The following TNKS variants were observed in gnomAD, a reference collection of about 807,000 sequenced individuals.
The protein encoded by TNKS is tankyrase.
In TNKS, 72 loss-of-function variants were observed where a neutral mutation model predicts 135.8. That is an observed-to-expected ratio of 0.53 (90% CI 0.44 to 0.64). The LOEUF is 0.64. Among genes scored for constraint, TNKS ranks in the 30% least tolerant of loss-of-function variants. The pLI is 0.00. For synonymous variants in TNKS, 849 were observed against 649.3 expected (o/e 1.31, Z -4.68); for missense variants, 1,769 against 1,674.0 (o/e 1.06, Z -0.99).
chr8:9,776,206 T>TC (rs1287693810), intron 26 of TNKS, among the ~76,000 whole-genome samples: 1 of 152,244 alleles, frequency 6.6e-6, no homozygotes, highest in Non-Finnish European at 1.5e-5. Flanking sequence ...ATCTCACCCT[T>TC]ACTCCTTCTA....
chr8:9,597,054 A>G (rs1193408683), intron 2 of TNKS, among the ~76,000 whole-genome samples: 1 of 152,212 alleles, frequency 6.6e-6, no homozygotes, highest in African/African-American at 2.4e-5. Flanking sequence ...AAGCTTGAGT[A>G]TTGTTCTGGG....
intron 5 of TNKS, among the ~76,000 whole-genome samples, chr8:9,682,170 T>G (rs867644432): frequency 6.6e-6 from 1 of 152,158 alleles, no homozygotes; most frequent in South Asian, 2.1e-4. Flanking sequence ...TCTATCACTG[T>G]GTAGAAAAGG....
chr8:9,695,781 A>T (rs1803485168), intron 5 of TNKS, among the ~76,000 whole-genome samples: 1 of 152,206 alleles, frequency 6.6e-6, no homozygotes, highest in South Asian at 2.1e-4. Flanking sequence ...TTTTGGAGGC[A>T]TAGTCTCCAA....
intron 3 of TNKS, among the ~76,000 whole-genome samples, chr8:9,639,928 C>T (rs762601515): frequency 6.6e-6 from 1 of 152,120 alleles, no homozygotes; most frequent in Non-Finnish European, 1.5e-5. Context: ...CGGGACGGTT[C>T]AAGAACAGTG....
chr8:9,766,095 G>A (rs1585439640), intron 24 of TNKS, 144 bp from the exon 25 acceptor site: 5 of 727,488 alleles, frequency 6.9e-6, no homozygotes, highest in Non-Finnish European at 1.1e-5. Flanking sequence ...ACATTATTAT[G>A]TATAATAGAC....
intron 11 of TNKS, among the ~76,000 whole-genome samples, chr8:9,717,166 G>A (rs1157753184): frequency 7.0e-6 from 1 of 142,604 alleles, no homozygotes; most frequent in Non-Finnish European, 1.5e-5. Context: ...GCACACTCAA[G>A]TTCAGCTAGC....
intron 2 of TNKS, among the ~76,000 whole-genome samples, chr8:9,608,219 G>A (rs1243458680): frequency 6.6e-6 from 1 of 152,154 alleles, no homozygotes; most frequent in Non-Finnish European, 1.5e-5. Context: ...GGGAATATAG[G>A]CATGAGACAC....
intron 11 of TNKS, among the ~76,000 whole-genome samples, chr8:9,714,704 TAA>T (rs1248642530): frequency 6.6e-6 from 1 of 152,112 alleles, no homozygotes; most frequent in Non-Finnish European, 1.5e-5. Flanking sequence ...TATGAAGGAG[TAA>T]TTATATTACC....
intron 3 of TNKS, among the ~76,000 whole-genome samples, chr8:9,637,029 A>T (rs1211343230): frequency 6.6e-6 from 1 of 152,216 alleles, no homozygotes; most frequent in Non-Finnish European, 1.5e-5. Context: ...ATCTGAATTG[A>T]CAGCTTGAGT....
chr8:9,615,560 T>G (rs771131116), intron 2 of TNKS, 22 bp from the exon 3 acceptor site: 10 of 1,600,802 alleles, frequency 6.2e-6, no homozygotes, highest in Admixed American at 5.1e-5. Context: ...GGTAAGATAC[T>G]GTTTCTGCTT....
intron 2 of TNKS, among the ~76,000 whole-genome samples, chr8:9,606,766 G>A (rs1352383763): frequency 6.6e-6 from 1 of 151,914 alleles, no homozygotes. Flanking sequence ...ATTCAGTAGT[G>A]GACATGGTAG....
At chr8:9,653,129 T>G (rs1261729684) in intron 3 of TNKS, among the ~76,000 whole-genome samples, 1 of 152,118 alleles carries the variant, frequency 6.6e-6, no homozygotes, top group Admixed American at 6.5e-5. Context: ...GATTAAAGAC[T>G]GCTATAGTGA....
intron 3 of TNKS, among the ~76,000 whole-genome samples, chr8:9,629,900 T>A (rs1270786326): frequency 6.6e-6 from 1 of 152,154 alleles, no homozygotes; most frequent in African/African-American, 2.4e-5. Context: ...GCCAGGATGG[T>A]CTCGATCTCC....
At chr8:9,581,337 T>C (rs1414964906) in intron 2 of TNKS, among the ~76,000 whole-genome samples, 3 of 152,218 alleles carry the variant, frequency 2.0e-5, no homozygotes, top group African/African-American at 7.2e-5. Flanking sequence ...TTTCTGTCAT[T>C]ATCCTTTGCT....
At chr8:9,775,927 C>T (rs1011492060) in intron 26 of TNKS, among the ~76,000 whole-genome samples, 2 of 152,020 alleles carry the variant, frequency 1.3e-5, no homozygotes, top group Non-Finnish European at 2.9e-5. Flanking sequence ...ACCTCTCCTT[C>T]CAAATTGCTG....
At chr8:9,591,447 G>A (rs1403694272) in intron 2 of TNKS, among the ~76,000 whole-genome samples, 1 of 152,242 alleles carries the variant, frequency 6.6e-6, no homozygotes, top group Non-Finnish European at 1.5e-5. Context: ...ATCCCTGAGA[G>A]TGGGATTGCT....
In TNKS at chr8:9,564,704, A is replaced by G. The variant is rs555410483; in HGVS notation, c.673+8092A>G. Reference sequence around the variant, plus strand: ...TTTGGCTTATGTTTATTCTTCTGATAGCTAAGTTTTGGTGTAGCCCTGCTC... The same window carrying G: ...TTTGGCTTATGTTTATTCTTCTGATGGCTAAGTTTTGGTGTAGCCCTGCTC... On this transcript the variant is annotated intron_variant, in intron 1 of 26. Transcript: ENST00000310430. Among the ~76,000 whole-genome samples, 68 of 152,308 alleles carry G rather than the reference A, an allele frequency of 4.5e-4. 2 individuals carry two copies. Among genetic ancestry groups the G allele is most frequent in the African/African-American group, 1.5e-3 (62 of 41,574 alleles).
chr8:9,588,340 TC>T (rs1404834175), intron 2 of TNKS, among the ~76,000 whole-genome samples: 2 of 152,076 alleles, frequency 1.3e-5, no homozygotes, highest in African/African-American at 4.8e-5. Flanking sequence ...AATGGCGGGA[TC>T]TAGGCTCACT....
At position 9,614,593 on chromosome 8, in the gene TNKS, T is replaced by G. The variant is rs566414030; in HGVS notation, c.899-989T>G. ...TTACCTTCCAAATATTGCTAAAGAA[T>G]GTATGTGCTTTAGCATGGAACTGTC... is the stretch of plus-strand genomic sequence containing the variant. On this transcript the variant is annotated intron_variant, in intron 2 of 26. Coordinates refer to ENST00000310430, the MANE Select transcript of TNKS (RefSeq NM_003747.3). 2.0e-5 allele frequency among the ~76,000 whole-genome samples: 3 copies of G among 152,210 alleles called. No individual in the cohort carries two copies. The East Asian group carries it at 5.8e-4, about 29-fold the overall frequency.
Sources: allele counts gnomAD v4.1 joint callset (sites outside exome capture counted in the v4.1 genomes callset), GRCh38; gene constraint gnomAD v4.1.1; transcripts MANE v1.5; gene names NCBI Gene and HGNC (gene_info 2026-07-23, HGNC 2026-07-21).